XKR4: variants seen among roughly 807,000 people sequenced by gnomAD.
XKR4 encodes XK-related protein 4.
XKR4 carries 12 observed loss-of-function variants against 53.9 expected under a neutral mutation model. The observed-to-expected ratio is 0.22, with a 90% CI of 0.14 to 0.36. The LOEUF is 0.36. Among genes scored for constraint, XKR4 ranks in the 10% least tolerant of loss-of-function variants. The pLI is 1.00. For missense variants in XKR4, 799 were observed against 859.5 expected (o/e 0.93, Z 0.88); for synonymous variants, 354 against 362.4 (o/e 0.98, Z 0.26).
At chr8:55,195,148 C>CAATTTAA (rs1817488252) in intron 1 of XKR4, among the ~76,000 whole-genome samples, 2 of 100,422 alleles carry the variant, frequency 2.0e-5, no homozygotes, top group African/African-American at 6.7e-5. Context: ...AAATAATTTT[C>CAATTTAA]ACCGACAAGT....
intron 1 of XKR4, among the ~76,000 whole-genome samples, chr8:55,232,439 C>T (rs1179760899): frequency 6.6e-6 from 1 of 152,196 alleles, no homozygotes; most frequent in Non-Finnish European, 1.5e-5. Context: ...AAAGATGAAT[C>T]ATACTCTATA....
chr8:55,134,248 G>A (rs549783071), intron 1 of XKR4, among the ~76,000 whole-genome samples: 1 of 152,298 alleles, frequency 6.6e-6, no homozygotes, highest in South Asian at 2.1e-4. Flanking sequence ...GATGCTATTT[G>A]GAGTGGGACC....
At chr8:55,315,990 C>T (rs1312449029) in intron 1 of XKR4, among the ~76,000 whole-genome samples, 1 of 152,164 alleles carries the variant, frequency 6.6e-6, no homozygotes, top group Non-Finnish European at 1.5e-5. Flanking sequence ...TACTCTGGGA[C>T]TTAGATCTTA....
intron 1 of XKR4, among the ~76,000 whole-genome samples, chr8:55,305,060 C>A (rs1819274250): frequency 6.6e-6 from 1 of 152,014 alleles, no homozygotes; most frequent in Non-Finnish European, 1.5e-5. Context: ...GAGAGAGGCA[C>A]CCAGATTGGG....
At chr8:55,293,362 A>G (rs978187233) in intron 1 of XKR4, among the ~76,000 whole-genome samples, 1 of 152,142 alleles carries the variant, frequency 6.6e-6, no homozygotes, top group South Asian at 2.1e-4. Flanking sequence ...AAATCCATAT[A>G]GTTTAATATA....
intron 1 of XKR4, among the ~76,000 whole-genome samples, chr8:55,332,258 T>C (rs1169267664): frequency 6.6e-6 from 1 of 152,144 alleles, no homozygotes; most frequent in Non-Finnish European, 1.5e-5. Flanking sequence ...TATCTTCATA[T>C]AGCATATACC....
chr8:55,451,208 A>C, intron 2 of XKR4: 1 of 558,222 alleles, frequency 1.8e-6, no homozygotes, highest in Non-Finnish European at 3.2e-6. Context: ...CCTCTCTGCC[A>C]GCTAGCTGGG....
chr8:55,539,338 A>G lies in XKR4; in HGVS notation c.*15111A>G, dbSNP rs576033146. The G allele has an allele frequency of 3.9e-5, 6 of 152,310 alleles. No homozygotes were observed. The highest frequency in any genetic ancestry group is 1.4e-4 in the African/African-American group (6 of 41,566). 9.4% of individuals were successfully genotyped at this position (152,310 alleles called of 1,614,324 possible). On this transcript the variant is annotated 3_prime_UTR_variant, in exon 3 of 3. Coordinates refer to ENST00000327381, the MANE Select transcript of XKR4 (RefSeq NM_052898.2). ...AGGATTATATTCCATTGTGAAAAAA[A>G]TGTGCACACTCTTAAAAACACAAAA... is the stretch of plus-strand genomic sequence containing the variant.
intron 2 of XKR4, among the ~76,000 whole-genome samples, chr8:55,482,891 A>G (rs915554538): frequency 6.6e-6 from 1 of 152,134 alleles, no homozygotes; most frequent in Non-Finnish European, 1.5e-5. Flanking sequence ...TTTCTGAGAA[A>G]CCTTATGCCA....
chr8:55,391,045 G>A lies in XKR4; in HGVS notation c.1006+33168G>A, dbSNP rs147088421. On this transcript the variant is annotated intron_variant, in intron 2 of 2. Coordinates refer to ENST00000327381, the MANE Select transcript of XKR4 (RefSeq NM_052898.2). ...ATATGAAACACAAAAAAAATGGTTT[G>A]CATTCCTTACAATAAGAGAAACTGG... Among the ~76,000 whole-genome samples, 1,224 of 152,214 alleles carry A rather than the reference G, an allele frequency of 8.0e-3. 15 individuals are homozygous for A. Among genetic ancestry groups the A allele is most frequent in the African/African-American group, 0.027 (1,140 of 41,530 alleles).
chr8:55,120,523 G>A (rs931618628), intron 1 of XKR4, among the ~76,000 whole-genome samples: 1 of 151,406 alleles, frequency 6.6e-6, no homozygotes, highest in Non-Finnish European at 1.5e-5. Flanking sequence ...TAAGAAAATG[G>A]TACTTTTGAG....
chr8:55,411,456 T>C (rs1427947322), intron 2 of XKR4, among the ~76,000 whole-genome samples: 2 of 152,218 alleles, frequency 1.3e-5, no homozygotes, highest in Non-Finnish European at 2.9e-5. Flanking sequence ...TCAGTGAGTT[T>C]TCAAAATTGA....
intron 1 of XKR4, among the ~76,000 whole-genome samples, chr8:55,273,575 A>T (rs1334584568): frequency 6.6e-6 from 1 of 152,136 alleles, no homozygotes; most frequent in Non-Finnish European, 1.5e-5. Context: ...TATTTTGCAG[A>T]CCCTGCACTT....
intron 2 of XKR4, among the ~76,000 whole-genome samples, chr8:55,375,543 C>T (rs1804133361): frequency 6.6e-6 from 1 of 152,132 alleles, no homozygotes; most frequent in Non-Finnish European, 1.5e-5. Context: ...CCTGCTGGCT[C>T]CTGTCCTCTC....
At chr8:55,295,581 T>A (rs1819090026) in intron 1 of XKR4, among the ~76,000 whole-genome samples, 1 of 152,136 alleles carries the variant, frequency 6.6e-6, no homozygotes, top group Admixed American at 6.5e-5. Context: ...AACAAAGGCA[T>A]GGTGGGAAAT....
intron 2 of XKR4, among the ~76,000 whole-genome samples, chr8:55,418,746 C>T (rs940748284): frequency 2.6e-5 from 4 of 152,224 alleles, no homozygotes; most frequent in Admixed American, 6.5e-5. Context: ...TCAGTGATAG[C>T]GGCTGTTTCC....
rs1384442356 is a variant in XKR4 at position 55,399,265 on chromosome 8, TC to T, written c.1006+41390del. On this transcript the variant is annotated intron_variant, in intron 2 of 2. Coordinates refer to ENST00000327381, the MANE Select transcript of XKR4 (RefSeq NM_052898.2). ...CTTAGCATTTTCTGCGCTCATTATGTCCACATGTACAGAAGATGAATGTCTG... is the reference window on the plus strand; with the variant it reads ...CTTAGCATTTTCTGCGCTCATTATGTCACATGTACAGAAGATGAATGTCTG... Among the ~76,000 whole-genome samples the T allele has an allele frequency of 2.0e-4, 31 of 152,238 alleles. No individual in the cohort carries two copies. In the South Asian group the frequency reaches 6.4e-3, roughly 32 times the overall value.
intron 2 of XKR4, among the ~76,000 whole-genome samples, chr8:55,502,946 G>T (rs1806466681): frequency 6.6e-6 from 1 of 152,048 alleles, no homozygotes; most frequent in African/African-American, 2.4e-5. Flanking sequence ...CAGACCATTT[G>T]TTGAAAAGAC....
intron 1 of XKR4, among the ~76,000 whole-genome samples, chr8:55,114,717 G>A (rs1816281840): frequency 6.6e-6 from 1 of 152,156 alleles, no homozygotes; most frequent in Non-Finnish European, 1.5e-5. Context: ...GCAGAGAGCT[G>A]GGACTGCAGG....
Sources: gnomAD v4.1 joint callset for allele counts (sites outside exome capture counted in the v4.1 genomes callset) on GRCh38, gnomAD v4.1.1 for gene constraint, MANE v1.5 for transcripts, NCBI Gene and HGNC (gene_info 2026-07-23, HGNC 2026-07-21) for gene names.